The following HEATR1 variants were observed in gnomAD, a reference collection of about 807,000 sequenced individuals.
HEATR1 encodes HEAT repeat containing 1.
A neutral mutation model predicts 248.2 loss-of-function variants in HEATR1; 77 were observed. The observed-to-expected ratio is 0.31, with a 90% CI of 0.26 to 0.37. The LOEUF (loss-of-function observed/expected upper bound fraction) is 0.37. Among genes scored for constraint, HEATR1 ranks in the 10% least tolerant of loss-of-function variants. HEATR1 has a pLI of 1.00. For missense variants in HEATR1, 2,420 were observed against 2,504.9 expected (o/e 0.97, Z 0.72); for synonymous variants, 897 against 923.1 (o/e 0.97, Z 0.51).
At chr1:236,603,679 AT>A (rs1390823683) in intron 2 of HEATR1, among the ~76,000 whole-genome samples, 3 of 147,622 alleles carry the variant, frequency 2.0e-5, no homozygotes, top group Non-Finnish European at 4.5e-5. Context: ...CACTGCCTCC[AT>A]CCCCCTTTTA....
chr1:236,590,957 A>G lies in HEATR1; in HGVS notation c.1423-3T>C, dbSNP rs1208468132. The G allele has an allele frequency of 2.2e-6, 3 of 1,355,208 alleles. No homozygotes were observed. The highest frequency in any genetic ancestry group is 3.0e-6 in the Non-Finnish European group (3 of 999,150). The allele number at this position is 1,355,208 out of a possible 1,614,324, so 83.9% of individuals were successfully genotyped here. A position where few individuals can be genotyped will look rare whatever the true frequency, so the allele number is the denominator to read the frequency against. On this transcript the variant is annotated splice_region_variant and splice_polypyrimidine_tract_variant and intron_variant, in intron 11 of 44. Transcript: ENST00000366582. ...GAAGTATCAGAATCTGCTAAAAACT[A>G]CAGGGTTCAACATAGTTATCAAATG...
Position 236,598,090 on chromosome 1 carries a change from T to C in HEATR1, c.502-111A>G. 8.2e-6 allele frequency: 5 copies of C among 611,834 alleles called. 1 individual carries two copies. The highest frequency in any genetic ancestry group is 7.5e-5 in the South Asian group (3 of 40,242). 37.9% of individuals were successfully genotyped at this position (611,834 alleles called of 1,614,324 possible). A position where few individuals can be genotyped will look rare whatever the true frequency, so the allele number is the denominator to read the frequency against. On this transcript the variant is annotated intron_variant, in intron 4 of 44. Transcript: ENST00000366582. ...ACTGCTACAATTCATAAATAAAAAA[T>C]ATAATCTCTCCTTATAACTGGTGGT...
chr1:236,591,686 A>G (rs571403857), intron 11 of HEATR1, among the ~76,000 whole-genome samples: 8 of 152,318 alleles, frequency 5.3e-5, no homozygotes, highest in African/African-American at 1.4e-4. Context: ...AAGACAGAGA[A>G]TGCTAGAAAC....
At chr1:236,553,822 T>C in intron 42 of HEATR1, 83 bp from the exon 43 acceptor site, 1 of 1,410,868 alleles carries the variant, frequency 7.1e-7, no homozygotes, top group South Asian at 1.4e-5. Flanking sequence ...TACAAATATT[T>C]TACTATCTTT....
intron 3 of HEATR1, chr1:236,602,861 T>G: frequency 8.3e-6 from 2 of 241,562 alleles, no homozygotes; most frequent in Non-Finnish European, 1.6e-5. Flanking sequence ...GAGGCAGAGG[T>G]TGCAGTGAGC....
At chr1:236,603,044 T>C (rs1664367178) in intron 3 of HEATR1, 116 bp downstream of exon 3, 1 of 691,326 alleles carries the variant, frequency 1.4e-6, no homozygotes, top group African/African-American at 1.8e-5. Flanking sequence ...GGACATTGTA[T>C]CAATCTCTTA....
At chr1:236,558,111 T>C in intron 36 of HEATR1, 126 bp downstream of exon 36, 1 of 1,078,180 alleles carries the variant, frequency 9.3e-7, no homozygotes, top group East Asian at 2.5e-5. Flanking sequence ...GCAAGATCAA[T>C]TCTTTAACAA....
rs77856957 is a variant in HEATR1, at chr1:236,549,021, T to C, written c.*1881A>G. The C allele has an allele frequency of 3.3e-3, 1,307 of 398,550 alleles. 26 individuals carry two copies. Among genetic ancestry groups the C allele is most frequent in the African/African-American group, 0.025 (1,234 of 48,714 alleles). 24.7% of individuals were successfully genotyped at this position (398,550 alleles called of 1,614,324 possible). A position where few individuals can be genotyped will look rare whatever the true frequency, so the allele number is the denominator to read the frequency against. On this transcript the variant is annotated 3_prime_UTR_variant, in exon 45 of 45. Transcript: ENST00000366582. ...CAAGATGCATTCAATTTGAAAGATA[T>C]TTATGGGCAACAAAGTAAGGTCAGG...
intron 4 of HEATR1, among the ~76,000 whole-genome samples, chr1:236,598,520 G>A (rs1664234265): frequency 6.6e-6 from 1 of 152,162 alleles, no homozygotes; most frequent in Admixed American, 6.5e-5. Flanking sequence ...CTAGGGAGCA[G>A]CAAGATCCAA....
rs567440414 is a variant in HEATR1, at chr1:236,597,377, C to G, written c.604-401G>C. ...AAGCGATTTTCCTGCCTCAGCCTCCCGAGCAGCTGGAATTACAGGCATGCC... is the reference window on the plus strand; with the variant it reads ...AAGCGATTTTCCTGCCTCAGCCTCCGGAGCAGCTGGAATTACAGGCATGCC... On this transcript the variant is annotated intron_variant, in intron 5 of 44. Transcript: ENST00000366582. Among the ~76,000 whole-genome samples the G allele has an allele frequency of 4.2e-3, 637 of 151,826 alleles. 9 individuals carry two copies. Among genetic ancestry groups the G allele is most frequent in the African/African-American group, 0.014 (599 of 41,358 alleles).
chr1:236,567,470 G>A (rs1017992845), intron 29 of HEATR1, among the ~76,000 whole-genome samples: 6 of 152,178 alleles, frequency 3.9e-5, no homozygotes, highest in Admixed American at 3.3e-4. Context: ...CAACACTTTG[G>A]GAGGCCAAGC....
chr1:236,574,477 T>C (rs1051933828), intron 23 of HEATR1, 144 bp from the exon 24 acceptor site: 9 of 1,207,054 alleles, frequency 7.5e-6, no homozygotes, highest in African/African-American at 6.2e-5. Context: ...TAATGACCCA[T>C]GTACAACGTT....
chr1:236,587,525 C>A, intron 13 of HEATR1, 35 bp from the exon 14 acceptor site: 2 of 1,092,886 alleles, frequency 1.8e-6, no homozygotes, highest in South Asian at 1.8e-5. Context: ...TAGATTTGTA[C>A]TTGCTTCAAA....
intron 32 of HEATR1, among the ~76,000 whole-genome samples, chr1:236,563,407 G>A (rs1006167435): frequency 3.3e-5 from 5 of 151,704 alleles, no homozygotes; most frequent in Admixed American, 6.6e-5. Context: ...TCAGCCTCCC[G>A]AGTAGCTGGG....
chr1:236,589,332 G>A (rs1399253904), intron 12 of HEATR1, among the ~76,000 whole-genome samples: 1 of 152,132 alleles, frequency 6.6e-6, no homozygotes, highest in African/African-American at 2.4e-5. Flanking sequence ...GTTTACAAAA[G>A]CAGAATTCAT....
chr1:236,572,446 C>G lies in HEATR1; in HGVS notation c.3672G>C (p.Gln1224His). The change falls in exon 26 of 45, where the codon CAG (glutamine) becomes CAC (histidine). Residue 1224 changes from glutamine (Q) to histidine (H), a missense_variant. By Grantham distance (24) the Gln-to-His change is conservative. Coordinates refer to ENST00000366582, the MANE Select transcript of HEATR1 (RefSeq NM_018072.6). ...LQHKKKLRSP[Q>H]ILVPTLFNLL... ...AGTTAAAAAGAGTTGGCACCAATAT[C>G]TGAGGACTTCTGAGCTTCTTTTTGT... 1 of 1,614,074 alleles carries G rather than the reference C, an allele frequency of 6.2e-7. No individual in the cohort carries two copies. Among genetic ancestry groups the G allele is most frequent in the South Asian group, 1.1e-5 (1 of 91,078 alleles).
chr1:236,556,625 C>G (rs1662986281), intron 37 of HEATR1, among the ~76,000 whole-genome samples: 2 of 152,214 alleles, frequency 1.3e-5, no homozygotes, highest in African/African-American at 4.8e-5. Flanking sequence ...CTTTTAAACC[C>G]TGGCTGTGGT....
chr1:236,551,560 C>T (rs1662746008), intron 44 of HEATR1: 1 of 158,774 alleles, frequency 6.3e-6, no homozygotes, highest in African/African-American at 2.4e-5. Flanking sequence ...CCAAGTAAAG[C>T]ACCTAACATG....
chr1:236,590,749 T>C (rs916391605), intron 12 of HEATR1, 98 bp downstream of exon 12: 8 of 479,464 alleles, frequency 1.7e-5, no homozygotes, highest in Non-Finnish European at 2.9e-5. Flanking sequence ...CTCATCTGTA[T>C]CATTACCCAC....
Sources: allele counts gnomAD v4.1 joint callset (sites outside exome capture counted in the v4.1 genomes callset), GRCh38; gene constraint gnomAD v4.1.1; transcripts MANE v1.5; gene names NCBI Gene and HGNC (gene_info 2026-07-23, HGNC 2026-07-21).